SLC4A10: variants seen among roughly 807,000 people sequenced by gnomAD.
SLC4A10 encodes the protein solute carrier family 4 member 10.
A neutral mutation model predicts 137.7 loss-of-function variants in SLC4A10; 42 were observed. The observed-to-expected ratio is 0.30, with a 90% CI of 0.24 to 0.39. The LOEUF (loss-of-function observed/expected upper bound fraction) is 0.39, where lower values mean the gene tolerates loss of function less well. SLC4A10 is among the 10% of genes least tolerant of loss of function. The pLI, the probability that SLC4A10 is intolerant of heterozygous loss-of-function variation, is 1.00. For synonymous variants in SLC4A10, 474 were observed against 464.1 expected, an observed-to-expected ratio of 1.02 and a Z score of -0.27; for missense variants, 925 against 1,355.0, an observed-to-expected ratio of 0.68 and a Z score of 4.98.
chr2:161,762,081 A>G (rs978618708), intron 1 of SLC4A10, among the ~76,000 whole-genome samples: 2 of 152,158 alleles, frequency 1.3e-5, no homozygotes, highest in Admixed American at 1.3e-4. Flanking sequence ...CAACACCCCA[A>G]TTAGATACTT....
chr2:161,808,850 T>A (rs900490276), intron 3 of SLC4A10, among the ~76,000 whole-genome samples: 4 of 152,324 alleles, frequency 2.6e-5, no homozygotes, highest in Admixed American at 6.5e-5. Flanking sequence ...GTCTTTGCTA[T>A]GGTGAATAAC....
chr2:161,705,598 T>C (rs1050238703), intron 1 of SLC4A10, among the ~76,000 whole-genome samples: 1 of 151,574 alleles, frequency 6.6e-6, no homozygotes, highest in Non-Finnish European at 1.5e-5. Context: ...TATAAGGGCA[T>C]TAGGTGAGAC....
rs894885222 is a variant in SLC4A10 at position 161,804,679 on chromosome 2, T to G, written c.277+84T>G. 15 of 1,254,202 alleles carry G rather than the reference T, an allele frequency of 1.2e-5. No individual in the cohort carries two copies. In the African/African-American group the frequency reaches 2.3e-4, roughly 19 times the overall value. 77.7% of individuals were successfully genotyped at this position (1,254,202 alleles called of 1,614,324 possible). On this transcript the variant is annotated intron_variant, in intron 3 of 26. Transcript: ENST00000446997. ...AATTATGATTAGGAGTAATACCTTA[T>G]ACTCATAAAATTGTTTATACTTTTA... is the stretch of plus-strand genomic sequence containing the variant.
chr2:161,746,881 A>G (rs1291376593), intron 1 of SLC4A10, among the ~76,000 whole-genome samples: 1 of 152,102 alleles, frequency 6.6e-6, no homozygotes, highest in Non-Finnish European at 1.5e-5. Flanking sequence ...TGTTGTCGAG[A>G]AGCTACGGCC....
chr2:161,840,926 G>A (rs1052988297), intron 4 of SLC4A10, among the ~76,000 whole-genome samples: 1 of 152,156 alleles, frequency 6.6e-6, no homozygotes, highest in Non-Finnish European at 1.5e-5. Flanking sequence ...GAGAGGATCA[G>A]GGTAGCTTCC....
At chr2:161,738,887 G>A (rs2047603904) in intron 1 of SLC4A10, among the ~76,000 whole-genome samples, 1 of 152,152 alleles carries the variant, frequency 6.6e-6, no homozygotes, top group African/African-American at 2.4e-5. Flanking sequence ...GGTTATGTAA[G>A]TGCAGAACTA....
intron 2 of SLC4A10, among the ~76,000 whole-genome samples, chr2:161,796,366 C>G (rs969336559): frequency 6.6e-6 from 1 of 152,168 alleles, no homozygotes; most frequent in Non-Finnish European, 1.5e-5. Context: ...GATTTCACAA[C>G]TGAGGCCGGC....
intron 1 of SLC4A10, among the ~76,000 whole-genome samples, chr2:161,692,958 A>G (rs1326382753): frequency 5.3e-5 from 8 of 152,098 alleles, no homozygotes; most frequent in African/African-American, 1.9e-4. Context: ...GTTTTTAACA[A>G]TGTAAAAAGG....
Position 161,827,690 on chromosome 2 carries a change from C to T in SLC4A10, c.278-12099C>T, listed in dbSNP as rs528045701. Reference sequence around the variant, plus strand: ...ACACCATTCTCCTGCCTCAGCCTTCCGAGTAGCTGGGACTACAGGCACGCC... The same window carrying T: ...ACACCATTCTCCTGCCTCAGCCTTCTGAGTAGCTGGGACTACAGGCACGCC... On this transcript the variant is annotated intron_variant, in intron 3 of 26. Coordinates refer to ENST00000446997, the MANE Select transcript of SLC4A10 (RefSeq NM_001178015.2). Among the ~76,000 whole-genome samples, 3 of 152,080 alleles carry T rather than the reference C, an allele frequency of 2.0e-5. No individual in the cohort carries two copies. The East Asian group carries it at 5.8e-4, about 30-fold the overall frequency.
At chr2:161,899,308 A>G (rs2063852633) in intron 11 of SLC4A10, among the ~76,000 whole-genome samples, 1 of 152,096 alleles carries the variant, frequency 6.6e-6, no homozygotes, top group Non-Finnish European at 1.5e-5. Context: ...ACCACTACCC[A>G]GCCTGCCACT....
At chr2:161,640,958 T>C (rs62188967) in intron 1 of SLC4A10, among the ~76,000 whole-genome samples, 8,948 of 152,236 alleles carry the variant, frequency 0.059, 543 homozygotes, top group Admixed American at 0.21. Flanking sequence ...TGTACCTGGC[T>C]CCCTTGTACA....
At chr2:161,676,371 G>C (rs2040275697) in intron 1 of SLC4A10, among the ~76,000 whole-genome samples, 1 of 151,940 alleles carries the variant, frequency 6.6e-6, no homozygotes, top group Non-Finnish European at 1.5e-5. Context: ...AAAATAATCT[G>C]GTCATTTATT....
chr2:161,686,809 T>A (rs1466933517), intron 1 of SLC4A10, among the ~76,000 whole-genome samples: 5 of 151,992 alleles, frequency 3.3e-5, no homozygotes, highest in Non-Finnish European at 7.4e-5. Context: ...AGAGAATGGT[T>A]AGTCCGTAGG....
chr2:161,928,930 G>A (rs1306223582), intron 15 of SLC4A10, among the ~76,000 whole-genome samples: 1 of 152,070 alleles, frequency 6.6e-6, no homozygotes, highest in African/African-American at 2.4e-5. Context: ...ACATATCTAC[G>A]ATAGTGCTAT....
chr2:161,916,589 C>T (rs1323292608), intron 15 of SLC4A10, among the ~76,000 whole-genome samples: 2 of 152,212 alleles, frequency 1.3e-5, no homozygotes. Flanking sequence ...CTTCTGTGAC[C>T]TTTAAGGTAT....
At chr2:161,767,115 ATATATATATATATATATATATATATG>A (rs1169731207) in intron 1 of SLC4A10, among the ~76,000 whole-genome samples, 5 of 75,236 alleles carry the variant, frequency 6.6e-5, no homozygotes, top group African/African-American at 3.0e-4. Flanking sequence ...ATATATATAT[ATATATATATATATATATATATATATG>A]TGTGTGTGTG....
chr2:161,746,411 T>C (rs2048388439), intron 1 of SLC4A10, among the ~76,000 whole-genome samples: 1 of 152,028 alleles, frequency 6.6e-6, no homozygotes, highest in African/African-American at 2.4e-5. Context: ...ACTGCTGATG[T>C]TTATTCAAGG....
rs187846671 is a variant in SLC4A10, at chr2:161,667,606, C to T, written c.48+43040C>T. Among the ~76,000 whole-genome samples the T allele has an allele frequency of 7.1e-4, 107 of 151,696 alleles. No individual in the cohort carries two copies. The East Asian group carries it at 9.1e-3, about 13-fold the overall frequency. ...AAACTAGTGTTGTGGATTTTTATAA[C>T]ATTGATAAAAATGTACCTATCACAA... On this transcript the variant is annotated intron_variant, in intron 1 of 26. Coordinates refer to ENST00000446997, the MANE Select transcript of SLC4A10 (RefSeq NM_001178015.2).
chr2:161,918,006 G>A (rs888001493), intron 15 of SLC4A10, among the ~76,000 whole-genome samples: 6 of 152,276 alleles, frequency 3.9e-5, no homozygotes, highest in South Asian at 2.1e-4. Flanking sequence ...ATGCTTTGTC[G>A]AACACTCAAC....
Sources: gnomAD v4.1 joint callset for allele counts (sites outside exome capture counted in the v4.1 genomes callset) on GRCh38, gnomAD v4.1.1 for gene constraint, MANE v1.5 for transcripts, NCBI Gene and HGNC (gene_info 2026-07-23, HGNC 2026-07-21) for gene names.